CBLB: variants seen among roughly 807,000 people sequenced by gnomAD.
CBLB encodes the protein E3 ubiquitin-protein ligase CBL-B.
In CBLB, 31 loss-of-function variants were observed where a neutral mutation model predicts 104.9. The ratio of observed to expected loss-of-function variants is 0.30; its 90% CI spans 0.22 to 0.40. The LOEUF is 0.40. Ranked by LOEUF, CBLB falls within the 10% of genes least tolerant of loss-of-function variation. The pLI is 1.00. For missense variants in CBLB, 1,062 were observed against 1,214.6 expected, an observed-to-expected ratio of 0.87 and a Z score of 1.87; for synonymous variants, 440 against 422.6, an observed-to-expected ratio of 1.04 and a Z score of -0.51.
At chr3:105,792,280 A>T (rs2081748592) in intron 3 of CBLB, among the ~76,000 whole-genome samples, 1 of 152,206 alleles carries the variant, frequency 6.6e-6, no homozygotes, top group Non-Finnish European at 1.5e-5. Flanking sequence ...CTCAGTACTT[A>T]CTTAAAGATT....
At chr3:105,700,323 T>C (rs2068911227) in intron 12 of CBLB, among the ~76,000 whole-genome samples, 1 of 152,088 alleles carries the variant, frequency 6.6e-6, no homozygotes, top group Admixed American at 6.5e-5. Flanking sequence ...GAAATGGCTA[T>C]AACAACTATT....
intron 3 of CBLB, among the ~76,000 whole-genome samples, chr3:105,851,843 T>C (rs2090989560): frequency 6.6e-6 from 1 of 152,222 alleles, no homozygotes; most frequent in South Asian, 2.1e-4. Context: ...GCATTTATGT[T>C]AGTGCTTTCA....
In CBLB at chr3:105,776,321, C is replaced by A. The variant is rs1040509124; in HGVS notation, c.566+75G>T. ...ACAAAACACTCAAGTAAAATATATA[C>A]CATATCCAACTGGAGGGAGGATACA... On this transcript the variant is annotated intron_variant, in intron 4 of 18. Transcript: ENST00000394030. 6 of 1,287,114 alleles carry A rather than the reference C, an allele frequency of 4.7e-6. No homozygotes were observed. In the African/African-American group the frequency reaches 9.0e-5, roughly 19 times the overall value. 79.7% of individuals were successfully genotyped at this position (1,287,114 alleles called of 1,614,324 possible). A position where few individuals can be genotyped will look rare whatever the true frequency, so the allele number is the denominator to read the frequency against.
At chr3:105,719,923 G>A in intron 10 of CBLB, 124 bp downstream of exon 10, 1 of 750,852 alleles carries the variant, frequency 1.3e-6, no homozygotes, top group Non-Finnish European at 2.3e-6. Context: ...ACAGGCCTAG[G>A]CTAGTATGTG....
At chr3:105,741,097 T>TTG (rs59755430) in intron 6 of CBLB, among the ~76,000 whole-genome samples, 8,796 of 86,346 alleles carry the variant, frequency 0.1, 454 homozygotes, top group East Asian at 0.39. Context: ...AAATTAGGGT[T>TTG]TTTTTTTTTT....
chr3:105,811,175 A>C (rs1027330715), intron 3 of CBLB, among the ~76,000 whole-genome samples: 5 of 152,220 alleles, frequency 3.3e-5, no homozygotes, highest in African/African-American at 1.2e-4. Context: ...GTAGGATTTT[A>C]ATTCTAATTT....
At chr3:105,676,492 G>A (rs1387410598) in intron 17 of CBLB, among the ~76,000 whole-genome samples, 1 of 151,924 alleles carries the variant, frequency 6.6e-6, no homozygotes, top group Non-Finnish European at 1.5e-5. Context: ...CCATCTATTG[G>A]GGCTTAAGTT....
intron 10 of CBLB, among the ~76,000 whole-genome samples, chr3:105,715,370 T>C (rs551255531): frequency 1.3e-5 from 2 of 152,356 alleles, no homozygotes; most frequent in South Asian, 2.1e-4. Context: ...GTATGTATTA[T>C]AGACTTTTAG....
rs1199589456 is a variant in CBLB at position 105,836,936 on chromosome 3, C to A, written c.419+16478G>T. ...AAAATATCTCAGATGTCCCTCAAAG[C>A]TGATATGCTCACATCAAAACAAAAC... On this transcript the variant is annotated intron_variant, in intron 3 of 18. Transcript: ENST00000394030. Among the ~76,000 whole-genome samples the A allele has an allele frequency of 2.0e-5, 3 of 148,856 alleles. No individual in the cohort carries two copies. The East Asian group carries it at 5.9e-4, about 29-fold the overall frequency.
intron 4 of CBLB, among the ~76,000 whole-genome samples, chr3:105,761,727 C>A (rs1301007927): frequency 1.3e-5 from 2 of 152,072 alleles, no homozygotes; most frequent in African/African-American, 4.8e-5. Flanking sequence ...TAAATTGGTG[C>A]CAGTAGAGTG....
chr3:105,766,169 A>T (rs2078201170), intron 4 of CBLB, among the ~76,000 whole-genome samples: 1 of 152,230 alleles, frequency 6.6e-6, no homozygotes, highest in Non-Finnish European at 1.5e-5. Flanking sequence ...TTAGAAGTAG[A>T]ACCTAAATAT....
At chr3:105,763,588 C>G (rs2077901982) in intron 4 of CBLB, among the ~76,000 whole-genome samples, 1 of 152,206 alleles carries the variant, frequency 6.6e-6, no homozygotes. Flanking sequence ...TCTCCCTAGT[C>G]ATGTGGAACT....
intron 13 of CBLB, among the ~76,000 whole-genome samples, chr3:105,691,471 T>C (rs895323503): frequency 6.6e-6 from 1 of 152,208 alleles, no homozygotes; most frequent in Non-Finnish European, 1.5e-5. Context: ...GAAGCAGGTA[T>C]TTAATGTTAA....
intron 3 of CBLB, among the ~76,000 whole-genome samples, chr3:105,846,218 G>T (rs1470612980): frequency 2.6e-5 from 4 of 151,668 alleles, no homozygotes; most frequent in Non-Finnish European, 5.9e-5. Context: ...TTGGTCCTTT[G>T]TCCTCATCAA....
At chr3:105,826,833 G>C (rs1218004292) in intron 3 of CBLB, among the ~76,000 whole-genome samples, 1 of 152,086 alleles carries the variant, frequency 6.6e-6, no homozygotes, top group Non-Finnish European at 1.5e-5. Flanking sequence ...TTCTATGTTG[G>C]TATGAAAGGA....
chr3:105,769,368 C>T (rs567003481), intron 4 of CBLB, among the ~76,000 whole-genome samples: 2 of 152,122 alleles, frequency 1.3e-5, no homozygotes, highest in East Asian at 3.9e-4. Flanking sequence ...GTGTCAGGCT[C>T]AAAAACACAA....
intron 10 of CBLB, among the ~76,000 whole-genome samples, chr3:105,707,763 T>C (rs1267786783): frequency 6.6e-6 from 1 of 152,090 alleles, no homozygotes. Context: ...CAGTCCATAA[T>C]TAATTTATTG....
rs2063418397 is a variant in CBLB at position 105,657,386 on chromosome 3, C to T, written c.*1584G>A. ...CCACAATTAGTCCATATTTAGAAAA[C>T]TTTCTGTGGGTTCAAGCATTTACAC... On this transcript the variant is annotated 3_prime_UTR_variant, in exon 19 of 19. Transcript: ENST00000394030. 1 of 214,120 alleles carries T rather than the reference C, an allele frequency of 4.7e-6. No individual in the cohort carries two copies. The highest frequency in any genetic ancestry group is 9.4e-6 in the Non-Finnish European group (1 of 106,064). 13.3% of individuals were successfully genotyped at this position (214,120 alleles called of 1,614,324 possible). A position where few individuals can be genotyped will look rare whatever the true frequency, so the allele number is the denominator to read the frequency against.
chr3:105,746,413 A>G (rs13059405), intron 5 of CBLB, among the ~76,000 whole-genome samples: 38,587 of 152,048 alleles, frequency 0.25, 5,118 homozygotes, highest in Non-Finnish European at 0.28. Context: ...CTCATATATC[A>G]CTTAGAAGGA....
Sources: gnomAD v4.1 joint callset for allele counts (sites outside exome capture counted in the v4.1 genomes callset) on GRCh38, gnomAD v4.1.1 for gene constraint, MANE v1.5 for transcripts, NCBI Gene and HGNC (gene_info 2026-07-23, HGNC 2026-07-21) for gene names.